PARP11: variants seen among roughly 807,000 people sequenced by gnomAD.
The protein encoded by PARP11 is protein mono-ADP-ribosyltransferase PARP11.
A neutral mutation model predicts 42.9 loss-of-function variants in PARP11; 31 were observed. The observed-to-expected ratio is 0.72, with a 90% CI of 0.54 to 0.98. The LOEUF (loss-of-function observed/expected upper bound fraction) is 0.98, where lower values mean the gene tolerates loss of function less well. Ranked by LOEUF, PARP11 falls within the 50% of genes least tolerant of loss-of-function variation. The pLI, the probability that PARP11 is intolerant of heterozygous loss-of-function variation, is 0.00. For missense variants in PARP11, 365 were observed against 413.1 expected (o/e 0.88, Z 1.01); for synonymous variants, 137 against 127.3 (o/e 1.08, Z -0.51).
chr12:3,869,292 C>T (rs539325095), intron 1 of PARP11, among the ~76,000 whole-genome samples: 32 of 152,316 alleles, frequency 2.1e-4, no homozygotes, highest in African/African-American at 5.8e-4. Flanking sequence ...GCCATTATTA[C>T]GTCTACCATA....
At chr12:3,831,350 A>AT (rs1263459323) in intron 1 of PARP11, among the ~76,000 whole-genome samples, 5 of 152,196 alleles carry the variant, frequency 3.3e-5, no homozygotes, top group South Asian at 2.1e-4. Context: ...TGTATCATTG[A>AT]TTTTTTTAAC....
At chr12:3,846,650 G>A (rs1449255820) in intron 1 of PARP11, among the ~76,000 whole-genome samples, 10 of 151,868 alleles carry the variant, frequency 6.6e-5, no homozygotes, top group South Asian at 2.1e-4. Flanking sequence ...CCAGCTACTC[G>A]GGAGGCTGAA....
intron 1 of PARP11, among the ~76,000 whole-genome samples, chr12:3,854,201 C>T (rs1473042124): frequency 1.3e-5 from 2 of 152,136 alleles, no homozygotes; most frequent in Non-Finnish European, 2.9e-5. Flanking sequence ...CTAAAATCGA[C>T]ACCCTAACAT....
chr12:3,829,366 TAGTAG>T (rs1309412641), intron 2 of PARP11, among the ~76,000 whole-genome samples: 1 of 152,212 alleles, frequency 6.6e-6, no homozygotes, highest in East Asian at 1.9e-4. Context: ...TTATATAGTT[TAGTAG>T]AGTAAAAAAA....
At chr12:3,865,304 G>A (rs1948372267) in intron 1 of PARP11, among the ~76,000 whole-genome samples, 1 of 151,958 alleles carries the variant, frequency 6.6e-6, no homozygotes, top group Non-Finnish European at 1.5e-5. Flanking sequence ...CTATGTAGTT[G>A]GAAAAAAATA....
rs1320503594 is a variant in PARP11, at chr12:3,822,267, T to C, written c.345-110A>G. 5 of 803,554 alleles carry C rather than the reference T, an allele frequency of 6.2e-6. No individual in the cohort carries two copies. In the East Asian group the frequency reaches 1.3e-4, roughly 21 times the overall value. 49.8% of individuals were successfully genotyped at this position (803,554 alleles called of 1,614,324 possible). ...TTCATTTTCAGGGTATTGTGACAAA[T>C]GCAATTAAATACAGCCTTCCGTTTC... On this transcript the variant is annotated intron_variant, in intron 4 of 7. Coordinates refer to ENST00000228820, the MANE Select transcript of PARP11 (RefSeq NM_020367.6).
intron 3 of PARP11, 43 bp from the exon 4 acceptor site, chr12:3,826,276 C>A (rs764244947): frequency 2.9e-6 from 4 of 1,399,094 alleles, no homozygotes; most frequent in Non-Finnish European, 3.9e-6. Context: ...TAAAAGTACA[C>A]TGTACTATAA....
At chr12:3,819,924 C>G (rs1025596334) in intron 6 of PARP11, among the ~76,000 whole-genome samples, 6 of 152,304 alleles carry the variant, frequency 3.9e-5, no homozygotes, top group Non-Finnish European at 8.8e-5. Flanking sequence ...TTTCTGCGCT[C>G]CCTCTTATAT....
intron 1 of PARP11, among the ~76,000 whole-genome samples, chr12:3,837,998 AAAGT>A (rs1310612366): frequency 2.0e-5 from 3 of 151,206 alleles, no homozygotes; most frequent in Non-Finnish European, 4.4e-5. Context: ...CAATACAGCA[AAAGT>A]AAGAAACTTA....
rs1565527335 is a variant in PARP11, at chr12:3,810,686, A to AAGGAAGGAAG, written c.*1436_*1437insCTTCCTTCCT. 5.6e-4 allele frequency: 71 copies of AAGGAAGGAAG among 126,856 alleles called. No homozygotes were observed. The highest frequency in any genetic ancestry group is 2.1e-3 in the African/African-American group (65 of 31,122). The allele number at this position is 126,856 out of a possible 1,614,324, so 7.9% of individuals were successfully genotyped here. On this transcript the variant is annotated 3_prime_UTR_variant, in exon 8 of 8. Coordinates refer to ENST00000228820, the MANE Select transcript of PARP11 (RefSeq NM_020367.6). ...AGGAAGGAAGGAAGGAAGGAAGGAA[A>AAGGAAGGAAG]GAAAGAAGGAAGGAAGAGAGAGAGA...
At chr12:3,822,369 C>T (rs946890502) in intron 4 of PARP11, among the ~76,000 whole-genome samples, 3 of 151,360 alleles carry the variant, frequency 2.0e-5, no homozygotes, top group South Asian at 2.1e-4. Context: ...GAGGCCGAGG[C>T]GAGCGGATCA....
At chr12:3,812,696 ATATAGC>A (rs1212513420) in intron 7 of PARP11, among the ~76,000 whole-genome samples, 1 of 152,202 alleles carries the variant, frequency 6.6e-6, no homozygotes, top group African/African-American at 2.4e-5. Context: ...CCCCACCAAA[ATATAGC>A]TATCAGACTT....
intron 6 of PARP11, chr12:3,815,172 T>A (rs548004319): frequency 5.8e-5 from 25 of 428,790 alleles, no homozygotes; most frequent in Non-Finnish European, 9.8e-5. Flanking sequence ...ATAAAAATCA[T>A]ATTTTAAAAA....
At chr12:3,817,542 A>G (rs936488327) in intron 6 of PARP11, among the ~76,000 whole-genome samples, 5 of 152,200 alleles carry the variant, frequency 3.3e-5, no homozygotes, top group African/African-American at 1.2e-4. Flanking sequence ...CCAGGGCCTC[A>G]TGAACTTTAG....
intron 1 of PARP11, among the ~76,000 whole-genome samples, chr12:3,868,661 C>T (rs1289116417): frequency 3.3e-5 from 5 of 152,188 alleles, no homozygotes; most frequent in South Asian, 2.1e-4. Flanking sequence ...AAAGCTAAGT[C>T]ATCATCTAAG....
At chr12:3,852,290 C>T (rs749961520) in intron 1 of PARP11, among the ~76,000 whole-genome samples, 7 of 152,144 alleles carry the variant, frequency 4.6e-5, no homozygotes, top group Non-Finnish European at 8.8e-5. Flanking sequence ...ATGACTTTGA[C>T]GAGTTGACAG....
chr12:3,827,595 G>C (rs531598890), intron 3 of PARP11, among the ~76,000 whole-genome samples: 1 of 151,590 alleles, frequency 6.6e-6, no homozygotes, highest in African/African-American at 2.4e-5. Flanking sequence ...CTGCTTATTT[G>C]CCTAATGGCA....
chr12:3,828,134 A>ATTTG (rs1947564901), intron 3 of PARP11, among the ~76,000 whole-genome samples: 1 of 152,250 alleles, frequency 6.6e-6, no homozygotes, highest in Non-Finnish European at 1.5e-5. Flanking sequence ...GGCAATGTCC[A>ATTTG]TTAAAGAAAT....
intron 3 of PARP11, 50 bp downstream of exon 3, chr12:3,828,860 T>C (rs2138042870): frequency 6.5e-7 from 1 of 1,537,330 alleles, no homozygotes; most frequent in African/African-American, 1.4e-5. Context: ...CTGTAGATTT[T>C]ATCATATCAA....
Sources: allele counts gnomAD v4.1 joint callset (sites outside exome capture counted in the v4.1 genomes callset), GRCh38; gene constraint gnomAD v4.1.1; transcripts MANE v1.5; gene names NCBI Gene and HGNC (gene_info 2026-07-23, HGNC 2026-07-21).